The following SPAG16 variants were observed in gnomAD, a reference collection of about 807,000 sequenced individuals.
SPAG16 encodes the protein sperm associated antigen 16, also known as sperm-associated antigen 16 protein.
In SPAG16, 86 loss-of-function variants were observed where a neutral mutation model predicts 80.4. The ratio of observed to expected loss-of-function variants is 1.07; its 90% CI spans 0.90 to 1.28. SPAG16 has a LOEUF of 1.28. Ranked by LOEUF, SPAG16 falls within the 50% of genes most tolerant of loss-of-function variation. The pLI is 0.00. For missense variants in SPAG16, 870 were observed against 765.3 expected (o/e 1.14, Z -1.61); for synonymous variants, 294 against 265.9 (o/e 1.11, Z -1.03).
At chr2:214,095,732 A>G (rs1278641353) in intron 13 of SPAG16, among the ~76,000 whole-genome samples, 1 of 152,100 alleles carries the variant, frequency 6.6e-6, no homozygotes, top group East Asian at 1.9e-4. Flanking sequence ...TAATGTGCAT[A>G]AAGTTTCAGT....
chr2:213,358,169 T>C (rs1420242224), intron 7 of SPAG16, among the ~76,000 whole-genome samples: 1 of 152,148 alleles, frequency 6.6e-6, no homozygotes, highest in African/African-American at 2.4e-5. Context: ...ACCTGCCCTC[T>C]CTCTCTGGCG....
intron 1 of SPAG16, among the ~76,000 whole-genome samples, chr2:213,288,073 TTTTG>T (rs750231103): frequency 1.6e-4 from 24 of 151,984 alleles, no homozygotes; most frequent in Non-Finnish European, 3.2e-4. Flanking sequence ...ACCCAGCTAA[TTTTG>T]TTTGTTTGTT....
At chr2:213,446,329 C>G (rs753174942) in intron 9 of SPAG16, among the ~76,000 whole-genome samples, 1 of 152,094 alleles carries the variant, frequency 6.6e-6, no homozygotes, top group Non-Finnish European at 1.5e-5. Flanking sequence ...GGTTGAAACC[C>G]AATCCAAGCA....
intron 12 of SPAG16, among the ~76,000 whole-genome samples, chr2:213,982,567 G>T (rs1390239843): frequency 1.3e-5 from 2 of 150,894 alleles, no homozygotes; most frequent in Non-Finnish European, 3.0e-5. Flanking sequence ...TTCTACTATA[G>T]AAAACATAAG....
chr2:213,779,691 C>T (rs1339258644), intron 10 of SPAG16, among the ~76,000 whole-genome samples: 3 of 152,198 alleles, frequency 2.0e-5, no homozygotes, highest in African/African-American at 7.2e-5. Flanking sequence ...CTGTACCAGT[C>T]ATTGGCAAGA....
At chr2:213,504,580 G>A (rs2074883624) in intron 10 of SPAG16, among the ~76,000 whole-genome samples, 1 of 151,998 alleles carries the variant, frequency 6.6e-6, no homozygotes, top group Non-Finnish European at 1.5e-5. Context: ...TTGGAAATAG[G>A]GAGACTAAAG....
At chr2:213,495,274 A>G (rs1347410927) in intron 10 of SPAG16, among the ~76,000 whole-genome samples, 1 of 152,218 alleles carries the variant, frequency 6.6e-6, no homozygotes, top group Non-Finnish European at 1.5e-5. Flanking sequence ...TAAGACTTCC[A>G]GTGGGATTCA....
chr2:213,675,720 G>T (rs1404552980), intron 10 of SPAG16, among the ~76,000 whole-genome samples: 2 of 151,886 alleles, frequency 1.3e-5, no homozygotes, highest in African/African-American at 4.8e-5. Flanking sequence ...ATTTCTGAGG[G>T]CTCTGTTCTG....
At chr2:213,716,400 T>C (rs10164987) in intron 10 of SPAG16, among the ~76,000 whole-genome samples, 50,462 of 152,028 alleles carry the variant, frequency 0.33, 9,701 homozygotes, top group East Asian at 0.57. Context: ...CATTTCTAAA[T>C]TGAGAGCTGT....
rs968532239 is a variant in SPAG16, at chr2:213,514,942, G to T, written c.1070+24852G>T. On this transcript the variant is annotated intron_variant, in intron 10 of 15. Coordinates refer to ENST00000331683, the MANE Select transcript of SPAG16 (RefSeq NM_024532.5). ...TAATCACAGATGCTCTTCTAAAGTT[G>T]TCTTAATGTGATGAATTATAATTGT... Among the ~76,000 whole-genome samples, 4 of 151,908 alleles carry T rather than the reference G, an allele frequency of 2.6e-5. No individual in the cohort carries two copies. In the South Asian group the frequency reaches 6.2e-4, roughly 24 times the overall value.
chr2:213,431,244 C>T (rs1421056820), intron 9 of SPAG16, among the ~76,000 whole-genome samples: 1 of 151,814 alleles, frequency 6.6e-6, no homozygotes, highest in Non-Finnish European at 1.5e-5. Context: ...AAAGAATCTA[C>T]AAAACAACTA....
intron 10 of SPAG16, among the ~76,000 whole-genome samples, chr2:213,669,367 G>A (rs1559359918): frequency 6.6e-6 from 1 of 152,120 alleles, no homozygotes; most frequent in Non-Finnish European, 1.5e-5. Flanking sequence ...TTTGGCTATA[G>A]TATTCCCTCT....
At chr2:213,787,237 A>C (rs577620945) in intron 10 of SPAG16, among the ~76,000 whole-genome samples, 2 of 152,252 alleles carry the variant, frequency 1.3e-5, no homozygotes, top group East Asian at 3.9e-4. Flanking sequence ...TAATAAAGAA[A>C]ATTTAAAAAA....
At chr2:213,715,508 T>C (rs2125374907) in intron 10 of SPAG16, among the ~76,000 whole-genome samples, 1 of 152,176 alleles carries the variant, frequency 6.6e-6, no homozygotes, top group East Asian at 1.9e-4. Flanking sequence ...ACCGTGTGTA[T>C]ATCCTGGGGA....
chr2:213,509,163 A>T (rs1352080658), intron 10 of SPAG16, among the ~76,000 whole-genome samples: 1 of 151,896 alleles, frequency 6.6e-6, no homozygotes, highest in Non-Finnish European at 1.5e-5. Context: ...CACCCAGCTA[A>T]TTTTTTATAT....
intron 13 of SPAG16, among the ~76,000 whole-genome samples, chr2:214,035,774 G>A (rs945432840): frequency 1.3e-5 from 2 of 152,170 alleles, no homozygotes; most frequent in African/African-American, 4.8e-5. Flanking sequence ...AAAAGCACAA[G>A]GAAGCCCACA....
intron 10 of SPAG16, among the ~76,000 whole-genome samples, chr2:213,698,694 C>G (rs1164839663): frequency 6.6e-6 from 1 of 152,156 alleles, no homozygotes. Flanking sequence ...CTGTTCTGTA[C>G]ACCTTATTGT....
intron 10 of SPAG16, among the ~76,000 whole-genome samples, chr2:213,794,462 C>T (rs1218889773): frequency 6.6e-6 from 1 of 152,084 alleles, no homozygotes; most frequent in Non-Finnish European, 1.5e-5. Flanking sequence ...TCCTTTTCTG[C>T]ATGTTCCCTT....
chr2:213,855,001 G>A (rs2075083537), intron 10 of SPAG16, among the ~76,000 whole-genome samples: 2 of 152,176 alleles, frequency 1.3e-5, no homozygotes, highest in South Asian at 4.1e-4. Flanking sequence ...ATGGCCCATA[G>A]CCTAAATTAT....
Sources: gnomAD v4.1 joint callset for allele counts (sites outside exome capture counted in the v4.1 genomes callset) on GRCh38, gnomAD v4.1.1 for gene constraint, MANE v1.5 for transcripts, NCBI Gene and HGNC (gene_info 2026-07-23, HGNC 2026-07-21) for gene names.